The following ATXN7 variants were observed in gnomAD, a reference collection of about 807,000 sequenced individuals.
ATXN7 encodes the protein ataxin-7.
Under a neutral mutation model 70.5 loss-of-function variants are expected in ATXN7, and 12 were observed. That is an observed-to-expected ratio of 0.17 (90% CI 0.11 to 0.28). The LOEUF is 0.28. Among genes scored for constraint, ATXN7 ranks in the 10% least tolerant of loss-of-function variants. The pLI, the probability that ATXN7 is intolerant of heterozygous loss-of-function variation, is 1.00. For missense variants in ATXN7, 1,256 were observed against 1,131.7 expected (o/e 1.11, Z -1.58); for synonymous variants, 498 against 448.7 (o/e 1.11, Z -1.39).
chr3:63,879,493 T>G (rs1292435136), intron 1 of ATXN7, among the ~76,000 whole-genome samples: 3 of 151,430 alleles, frequency 2.0e-5, no homozygotes, highest in East Asian at 3.9e-4. Context: ...TTCAGTTTTT[T>G]TTTTTTTTTT....
chr3:63,968,250 C>T, intron 5 of ATXN7: 1 of 378,186 alleles, frequency 2.6e-6, no homozygotes, highest in Non-Finnish European at 4.9e-6. Flanking sequence ...TGCAAGCTGT[C>T]CACAGAAGCC....
rs116151285 is a variant in ATXN7 at position 63,907,595 on chromosome 3, A to C, written c.-11-4993A>C. 9.0e-3 allele frequency among the ~76,000 whole-genome samples: 1,343 copies of C among 150,028 alleles called. 19 individuals are homozygous for C. Among genetic ancestry groups the C allele is most frequent in the African/African-American group, 0.03 (1,206 of 40,722 alleles). On this transcript the variant is annotated intron_variant, in intron 2 of 12. Transcript: ENST00000674280. ...CCCCTCAGCCTCCCGAGTAGCTGGG[A>C]CTATAGACACATGCCTGCATGCCTG...
At chr3:63,961,402 A>T (rs897659711) in intron 5 of ATXN7, among the ~76,000 whole-genome samples, 2 of 152,124 alleles carry the variant, frequency 1.3e-5, no homozygotes, top group African/African-American at 4.8e-5. Context: ...TGCTCTAAGG[A>T]CCGTCCTTCT....
At chr3:63,993,578 T>C (rs575477558) in intron 11 of ATXN7, among the ~76,000 whole-genome samples, 1 of 152,336 alleles carries the variant, frequency 6.6e-6, no homozygotes, top group East Asian at 1.9e-4. Context: ...TATCTCTACA[T>C]AGTTTATTTA....
In ATXN7 at chr3:63,983,172, G is replaced by A. The variant is rs554647153; in HGVS notation, c.1095+151G>A. The A allele has an allele frequency of 2.9e-4, 192 of 655,940 alleles. No individual in the cohort carries two copies. In the South Asian group the frequency reaches 3.4e-3, roughly 12 times the overall value. The allele number at this position is 655,940 out of a possible 1,614,324, so 40.6% of individuals were successfully genotyped here. A position where few individuals can be genotyped will look rare whatever the true frequency, so the allele number is the denominator to read the frequency against. On this transcript the variant is annotated intron_variant, in intron 8 of 12. Transcript: ENST00000674280. ...GGTGAAGGAATAACTTGGTTCTGTT[G>A]AAGAAAGCCTCAGATTGACAAAATG...
At chr3:63,912,523 C>G in intron 2 of ATXN7, 65 bp from the exon 3 acceptor site, 1 of 1,035,156 alleles carries the variant, frequency 9.7e-7, no homozygotes, top group African/African-American at 1.8e-5. Flanking sequence ...GCCGGAACTC[C>G]CTGGCGCCTC....
At chr3:63,938,340 G>A (rs2074699733) in intron 4 of ATXN7, among the ~76,000 whole-genome samples, 1 of 152,174 alleles carries the variant, frequency 6.6e-6, no homozygotes. Flanking sequence ...AAACAAACTT[G>A]CATTTAAGTA....
chr3:63,947,729 T>C (rs2074886905), intron 4 of ATXN7, among the ~76,000 whole-genome samples: 2 of 152,112 alleles, frequency 1.3e-5, no homozygotes, highest in Admixed American at 1.3e-4. Context: ...AGTAACTAAC[T>C]GGGGAGGGGG....
intron 5 of ATXN7, among the ~76,000 whole-genome samples, chr3:63,978,404 G>A (rs1000607639): frequency 1.3e-5 from 2 of 152,158 alleles, no homozygotes; most frequent in African/African-American, 4.8e-5. Flanking sequence ...AAGCTGTATC[G>A]TCTAAGGCAG....
intron 10 of ATXN7, 111 bp downstream of exon 10, chr3:63,990,485 A>T (rs1387387131): frequency 1.5e-6 from 2 of 1,370,562 alleles, no homozygotes; most frequent in African/African-American, 2.9e-5. Flanking sequence ...GACGCGGTCA[A>T]GGTGTGAGAG....
At chr3:63,998,369 TG>T (rs888791826) in intron 12 of ATXN7, 5 of 985,330 alleles carry the variant, frequency 5.1e-6, no homozygotes, top group African/African-American at 1.7e-5. Flanking sequence ...TATATATATA[TG>T]TATACACACA....
chr3:63,965,839 G>A (rs769859374), intron 5 of ATXN7, among the ~76,000 whole-genome samples: 2 of 152,082 alleles, frequency 1.3e-5, no homozygotes, highest in Non-Finnish European at 2.9e-5. Context: ...TTTAATCTGA[G>A]CTTTGTTCTC....
intron 5 of ATXN7, 53 bp from the exon 6 acceptor site, chr3:63,979,862 A>C (rs796558828): frequency 1.2e-6 from 2 of 1,603,232 alleles, no homozygotes; most frequent in South Asian, 2.2e-5. Flanking sequence ...CCAGAATTAC[A>C]TTTGAGATTC....
At chr3:63,888,505 G>T (rs1254003498) in intron 1 of ATXN7, among the ~76,000 whole-genome samples, 4 of 152,098 alleles carry the variant, frequency 2.6e-5, no homozygotes, top group Admixed American at 1.3e-4. Flanking sequence ...TTGGTCGGGC[G>T]CAGTGGCTCA....
chr3:63,983,904 A>G (rs1559656845), intron 8 of ATXN7, among the ~76,000 whole-genome samples: 2 of 152,156 alleles, frequency 1.3e-5, no homozygotes, highest in Non-Finnish European at 2.9e-5. Context: ...GAAGTATGTA[A>G]TTTTAAAACC....
chr3:63,998,200 A>AGGGGGG, intron 12 of ATXN7: 3 of 563,318 alleles, frequency 5.3e-6, no homozygotes, highest in Non-Finnish European at 6.2e-6. Context: ...AAAGGACAGA[A>AGGGGGG]GGGGGGGGGG....
intron 5 of ATXN7, among the ~76,000 whole-genome samples, chr3:63,976,991 G>A (rs948655171): frequency 1.3e-5 from 2 of 152,214 alleles, no homozygotes; most frequent in Non-Finnish European, 2.9e-5. Flanking sequence ...GTTGCAGCTT[G>A]ACTGTGAAGT....
chr3:63,881,778 G>A (rs868849002), intron 1 of ATXN7, among the ~76,000 whole-genome samples: 2 of 152,294 alleles, frequency 1.3e-5, no homozygotes, highest in South Asian at 4.1e-4. Flanking sequence ...GTGAGCCACT[G>A]CACCCAGCCG....
At position 63,980,156 on chromosome 3, in the gene ATXN7, C is replaced by A; in HGVS notation, c.741C>A (p.Pro247=). ...PMHPIQQSRV[P]HGRIMTPSVK... ...ATCCCATTCAGCAAAGTAGAGTTCC[C>A]CATGGTAGAATGTGAGTATGGCCAA... The change falls in exon 6 of 13, where the codon CCC becomes CCA. Residue 247 remains proline (P), a synonymous_variant. Coordinates refer to ENST00000674280, the MANE Select transcript of ATXN7 (RefSeq NM_001377405.1). 6.2e-7 allele frequency: 1 copy of A among 1,614,092 alleles called. No individual in the cohort carries two copies. The highest frequency in any genetic ancestry group is 1.7e-5 in the Admixed American group (1 of 60,014).
Sources: gnomAD v4.1 joint callset for allele counts (sites outside exome capture counted in the v4.1 genomes callset) on GRCh38, gnomAD v4.1.1 for gene constraint, MANE v1.5 for transcripts, NCBI Gene and HGNC (gene_info 2026-07-23, HGNC 2026-07-21) for gene names.